Variants in CPXM2 observed in about 807,000 individuals in gnomAD.
CPXM2 encodes the protein inactive carboxypeptidase-like protein X2.
CPXM2 carries 66 observed loss-of-function variants against 86.1 expected under a neutral mutation model. The observed-to-expected ratio is 0.77, with a 90% CI of 0.63 to 0.94. CPXM2 has a LOEUF of 0.94. CPXM2 is among the 40% of genes least tolerant of loss of function. The probability of loss-of-function intolerance (pLI) is 0.00; values close to 1 mark genes in which losing one functional copy is unlikely to be tolerated. For missense variants in CPXM2, 948 were observed against 1,026.3 expected, an observed-to-expected ratio of 0.92 and a Z score of 1.04; for synonymous variants, 388 against 400.2, an observed-to-expected ratio of 0.97 and a Z score of 0.36.
At chr10:123,918,368 G>A (rs573341419) in intron 2 of CPXM2, among the ~76,000 whole-genome samples, 1 of 152,128 alleles carries the variant, frequency 6.6e-6, no homozygotes, top group East Asian at 1.9e-4. Context: ...CTCTTCTACT[G>A]GTTACAACTA....
rs1191161089 is a variant in CPXM2 at position 123,804,716 on chromosome 10, C to T, written c.654-5517G>A. On this transcript the variant is annotated intron_variant, in intron 4 of 13. Transcript: ENST00000241305. Reference sequence around the variant, plus strand: ...GTCTTATTATACTGGCTAAGATGTTCAGTCCAATGCTGAAAGAAGTGAATA... The same window carrying T: ...GTCTTATTATACTGGCTAAGATGTTTAGTCCAATGCTGAAAGAAGTGAATA... Among the ~76,000 whole-genome samples, 3 of 152,154 alleles carry T rather than the reference C, an allele frequency of 2.0e-5. No homozygotes were observed. The East Asian group carries it at 5.8e-4, about 29-fold the overall frequency.
At chr10:123,843,286 TAA>T (rs1265279919) in intron 3 of CPXM2, 2 of 455,748 alleles carry the variant, frequency 4.4e-6, no homozygotes, top group Non-Finnish European at 8.8e-6. Context: ...CCAAGATAGG[TAA>T]AGTTTTTGCT....
chr10:123,824,951 T>C (rs1590039898), intron 4 of CPXM2, among the ~76,000 whole-genome samples: 1 of 152,214 alleles, frequency 6.6e-6, no homozygotes, highest in Admixed American at 6.5e-5. Context: ...TACAGAAACA[T>C]GCACCTGGAG....
At chr10:123,918,972 G>A (rs944202376) in intron 2 of CPXM2, among the ~76,000 whole-genome samples, 4 of 152,200 alleles carry the variant, frequency 2.6e-5, no homozygotes, top group Admixed American at 6.5e-5. Context: ...CAGGAAAGGG[G>A]GCCACTGGGA....
intron 6 of CPXM2, among the ~76,000 whole-genome samples, chr10:123,797,316 T>C (rs1189759201): frequency 6.6e-6 from 1 of 152,244 alleles, no homozygotes; most frequent in African/African-American, 2.4e-5. Flanking sequence ...TATCTGCCAA[T>C]GACAGATAAA....
chr10:123,881,716 A>G (rs1057144988), intron 1 of CPXM2, among the ~76,000 whole-genome samples: 2 of 152,132 alleles, frequency 1.3e-5, no homozygotes, highest in South Asian at 2.1e-4. Context: ...GACTCCTGGT[A>G]TCTGGGGGCT....
chr10:123,889,578 A>G (rs1945233934), intron 1 of CPXM2, among the ~76,000 whole-genome samples: 1 of 152,192 alleles, frequency 6.6e-6, no homozygotes, highest in Non-Finnish European at 1.5e-5. Flanking sequence ...AATGAATGAA[A>G]GGTTCACAGG....
intron 2 of CPXM2, among the ~76,000 whole-genome samples, chr10:123,907,691 C>G (rs1945454986): frequency 7.4e-6 from 1 of 135,998 alleles, no homozygotes; most frequent in African/African-American, 2.5e-5. Context: ...AGATGCCCCC[C>G]CTCCCACAAG....
intron 3 of CPXM2, among the ~76,000 whole-genome samples, chr10:123,846,638 A>T (rs534027805): frequency 6.6e-6 from 1 of 152,302 alleles, no homozygotes; most frequent in Middle Eastern, 3.4e-3. Context: ...TACAGAGAGG[A>T]ATATATCAGA....
chr10:123,900,886 G>A (rs1350220280), intron 2 of CPXM2, among the ~76,000 whole-genome samples: 1 of 152,136 alleles, frequency 6.6e-6, no homozygotes, highest in Non-Finnish European at 1.5e-5. Context: ...CAACCTAACA[G>A]ATTTTTTTTT....
Position 123,875,719 on chromosome 10 carries a change from C to T in CPXM2, c.403+4492G>A, listed in dbSNP as rs76568680. On this transcript the variant is annotated intron_variant, in intron 2 of 13. Coordinates refer to ENST00000241305, the MANE Select transcript of CPXM2 (RefSeq NM_198148.3). ...TTCCAGTCAAGGCATGAGGGAGATG[C>T]GTCAAGCAAGCTCGCATTCACCAAC... 8.0e-4 allele frequency among the ~76,000 whole-genome samples: 122 copies of T among 151,930 alleles called. 4 individuals are homozygous for T. In the East Asian group the frequency reaches 0.018, roughly 23 times the overall value.
At chr10:123,856,299 G>A (rs547993134) in intron 3 of CPXM2, among the ~76,000 whole-genome samples, 93 of 152,322 alleles carry the variant, frequency 6.1e-4, no homozygotes, top group South Asian at 4.4e-3. Flanking sequence ...TTGAAAGCCA[G>A]CCCTCTGACA....
chr10:123,910,738 C>T (rs764707277), intron 2 of CPXM2, among the ~76,000 whole-genome samples: 2 of 152,208 alleles, frequency 1.3e-5, no homozygotes, highest in Admixed American at 6.5e-5. Context: ...TAACAATGCA[C>T]CACAGAACTG....
intron 2 of CPXM2, among the ~76,000 whole-genome samples, chr10:123,868,168 T>C (rs1406177148): frequency 6.6e-6 from 1 of 152,146 alleles, no homozygotes; most frequent in Non-Finnish European, 1.5e-5. Context: ...GGGAGCACAG[T>C]GCAAACAAGT....
At chr10:123,919,836 T>G (rs1303050451) in intron 2 of CPXM2, among the ~76,000 whole-genome samples, 1 of 152,160 alleles carries the variant, frequency 6.6e-6, no homozygotes, top group African/African-American at 2.4e-5. Flanking sequence ...TCAGGAAACT[T>G]CCACTCATGA....
intron 4 of CPXM2, among the ~76,000 whole-genome samples, chr10:123,826,077 A>G (rs1190572330): frequency 6.6e-6 from 1 of 152,204 alleles, no homozygotes; most frequent in East Asian, 1.9e-4. Flanking sequence ...CTAAACTACT[A>G]TACTTGTTTT....
At chr10:123,902,480 A>G (rs1193710702) in intron 2 of CPXM2, among the ~76,000 whole-genome samples, 1 of 149,354 alleles carries the variant, frequency 6.7e-6, no homozygotes, top group Admixed American at 6.6e-5. Context: ...CTGCTATAAC[A>G]GAATACTATA....
Position 123,754,117 on chromosome 10 carries a change from G to A in CPXM2, c.2017+546C>T, listed in dbSNP as rs1434155861. On this transcript the variant is annotated intron_variant, in intron 13 of 13. Coordinates refer to ENST00000241305, the MANE Select transcript of CPXM2 (RefSeq NM_198148.3). This position sits in a 1 kb window ranked among gnomAD's most constrained non-coding sequence, Gnocchi z 4.0. ...ATTACAGACACCTGAGTCTTCCTAA[G>A]ACATCACGCTCAGTGATTTCCTGTG... Among the ~76,000 whole-genome samples, 4 of 152,112 alleles carry A rather than the reference G, an allele frequency of 2.6e-5. No individual in the cohort carries two copies. The highest frequency in any genetic ancestry group is 9.7e-5 in the African/African-American group (4 of 41,414).
intron 6 of CPXM2, among the ~76,000 whole-genome samples, chr10:123,782,366 A>T (rs775532988): frequency 6.6e-5 from 10 of 152,188 alleles, no homozygotes; most frequent in Non-Finnish European, 1.2e-4. Flanking sequence ...TGGAACACAA[A>T]TTATGCCTTC....
Sources: gnomAD v4.1 joint callset for allele counts (sites outside exome capture counted in the v4.1 genomes callset) on GRCh38, gnomAD v4.1.1 for gene constraint, Gnocchi (gnomAD v3.1) non-coding constraint, MANE v1.5 for transcripts, NCBI Gene and HGNC (gene_info 2026-07-23, HGNC 2026-07-21) for gene names.